Variants in TTC39B observed in about 807,000 individuals in gnomAD.
TTC39B encodes the protein tetratricopeptide repeat domain 39B.
TTC39B carries 92 observed loss-of-function variants against 96.6 expected under a neutral mutation model. That is an observed-to-expected ratio of 0.95 (90% CI 0.80 to 1.13). The LOEUF (loss-of-function observed/expected upper bound fraction) is 1.13, where lower values mean the gene tolerates loss of function less well. Among genes scored for constraint, TTC39B ranks in the 50% most tolerant of loss-of-function variants. TTC39B has a pLI of 0.00. For synonymous variants in TTC39B, 367 were observed against 299.4 expected (o/e 1.23, Z -2.33); for missense variants, 955 against 809.3 (o/e 1.18, Z -2.18).
In TTC39B at chr9:15,249,718, G is replaced by T. The variant is rs190897724; in HGVS notation, c.275+18196C>A. 695 of 256,574 alleles carry T rather than the reference G, an allele frequency of 2.7e-3. 5 individuals are homozygous for T. Among genetic ancestry groups the T allele is most frequent in the Non-Finnish European group, 3.4e-3 (489 of 143,112 alleles). The allele number at this position is 256,574 out of a possible 1,614,324, so 15.9% of individuals were successfully genotyped here. A position where few individuals can be genotyped will look rare whatever the true frequency, so the allele number is the denominator to read the frequency against. ...GAAGTTTTAAAAAGGTTGGGGGGAG[G>T]GTCAGAGGGGAAGCCAAGCAGGCTT... On this transcript the variant is annotated intron_variant, in intron 2 of 19. Coordinates refer to ENST00000512701, the Ensembl canonical transcript of TTC39B.
exon 14 of TTC39B, chr9:15,188,070 G>A: frequency 1.2e-6 from 2 of 1,612,116 alleles, no homozygotes; most frequent in Non-Finnish European, 1.7e-6. Context: ...CCCAGTAGCA[G>A]AGATGGTGAA....
At chr9:15,258,088 C>A (rs1380527236) in intron 2 of TTC39B, among the ~76,000 whole-genome samples, 1 of 151,930 alleles carries the variant, frequency 6.6e-6, no homozygotes, top group Non-Finnish European at 1.5e-5. Flanking sequence ...ATAACTTGGG[C>A]TGCTGTATGG....
chr9:15,203,764 T>C, intron 7 of TTC39B, 59 bp downstream of exon 7: 2 of 1,408,936 alleles, frequency 1.4e-6, no homozygotes, highest in African/African-American at 2.9e-5. Context: ...ACCACATTTT[T>C]CTATGCAGCA....
At chr9:15,249,722 A>G (rs1822446831) in intron 2 of TTC39B, 1 of 272,222 alleles carries the variant, frequency 3.7e-6, no homozygotes, top group Non-Finnish European at 6.4e-6. Flanking sequence ...GGGGAGGGTC[A>G]GAGGGGAAGC....
At chr9:15,200,071 C>T (rs1453679416) in intron 7 of TTC39B, 146 bp from the exon 8 acceptor site, 2 of 493,884 alleles carry the variant, frequency 4.0e-6, no homozygotes, top group Non-Finnish European at 7.3e-6. Context: ...TTAACACATA[C>T]TCTTGCTTTA....
intron 18 of TTC39B, among the ~76,000 whole-genome samples, chr9:15,176,036 C>T (rs1315902198): frequency 6.6e-6 from 1 of 152,216 alleles, no homozygotes; most frequent in Non-Finnish European, 1.5e-5. Flanking sequence ...GGCCTGCCCA[C>T]ATTGAATGTG....
chr9:15,202,292 C>A (rs1487442479), intron 7 of TTC39B, among the ~76,000 whole-genome samples: 1 of 152,172 alleles, frequency 6.6e-6, no homozygotes, highest in Non-Finnish European at 1.5e-5. Flanking sequence ...TTGTTATCAA[C>A]CAGTCTTTGT....
intron 1 of TTC39B, among the ~76,000 whole-genome samples, chr9:15,299,512 C>G (rs1326799025): frequency 6.6e-6 from 1 of 152,078 alleles, no homozygotes; most frequent in African/African-American, 2.4e-5. Context: ...GGAGGCAGCA[C>G]AGATCCACGA....
At chr9:15,254,443 T>A (rs1563766491) in intron 2 of TTC39B, among the ~76,000 whole-genome samples, 1 of 152,198 alleles carries the variant, frequency 6.6e-6, no homozygotes, top group Non-Finnish European at 1.5e-5. Flanking sequence ...ATATATTATA[T>A]GTATATACTA....
chr9:15,197,057 T>C (rs1360174420), intron 8 of TTC39B, among the ~76,000 whole-genome samples: 1 of 152,258 alleles, frequency 6.6e-6, no homozygotes, highest in Non-Finnish European at 1.5e-5. Context: ...TTAAGGTATG[T>C]ATATTTTTTA....
At position 15,190,548 on chromosome 9, in the gene TTC39B, T is replaced by C. The variant is rs558668967; in HGVS notation, c.1105+6A>G. ...GTTCAATGAAACAATCTAATCCAGA[T>C]CTTACCAAGTATTAGGGAGATGTAA... On this transcript the variant is annotated splice_donor_region_variant and intron_variant, in intron 11 of 19. Transcript: ENST00000512701. The C allele has an allele frequency of 6.2e-7, 1 of 1,608,348 alleles. No individual in the cohort carries two copies. The highest frequency in any genetic ancestry group is 1.7e-5 in the Admixed American group (1 of 59,996).
In TTC39B at chr9:15,209,017, T is replaced by C. The variant is rs75783433; in HGVS notation, c.691+1071A>G. ...TCTAATCAGCCAAAGCTACTTCTAG[T>C]AGCTTTGTATTTTGTGTTCTCTAGT... is the stretch of plus-strand genomic sequence containing the variant. On this transcript the variant is annotated intron_variant, in intron 6 of 19. Transcript: ENST00000512701. Among the ~76,000 whole-genome samples, 186 of 152,302 alleles carry C rather than the reference T, an allele frequency of 1.2e-3. 5 individuals are homozygous for C. The East Asian group carries it at 0.034, about 28-fold the overall frequency.
At chr9:15,268,163 G>T (rs1439339222) in intron 1 of TTC39B, among the ~76,000 whole-genome samples, 1 of 151,794 alleles carries the variant, frequency 6.6e-6, no homozygotes, top group Non-Finnish European at 1.5e-5. Context: ...TTTTAATAAG[G>T]CTGGTAAAAT....
At chr9:15,190,687 G>T in intron 10 of TTC39B, 25 bp from the exon 11 acceptor site, 1 of 1,574,026 alleles carries the variant, frequency 6.4e-7, no homozygotes. Flanking sequence ...TGCATTTTTA[G>T]AAAGAGAACA....
At chr9:15,173,507 T>A (rs1817768201) in intron 19 of TTC39B, among the ~76,000 whole-genome samples, 1 of 152,194 alleles carries the variant, frequency 6.6e-6, no homozygotes, top group African/African-American at 2.4e-5. Flanking sequence ...TTAACTTGTT[T>A]GACCTCTTAG....
chr9:15,215,189 T>C (rs1445689471), intron 3 of TTC39B, among the ~76,000 whole-genome samples: 1 of 152,126 alleles, frequency 6.6e-6, no homozygotes, highest in African/African-American at 2.4e-5. Context: ...AGTTTGTGGC[T>C]GTAGTGAGCC....
chr9:15,263,644 C>T lies in TTC39B; in HGVS notation c.275+4270G>A, dbSNP rs1416577030. Among the ~76,000 whole-genome samples the T allele has an allele frequency of 3.3e-5, 5 of 152,206 alleles. No individual in the cohort carries two copies. In the East Asian group the frequency reaches 7.7e-4, roughly 23 times the overall value. The stretch of plus-strand genomic sequence containing the variant: ...CTCAGAACGCTGTAAGGCAAAAGTA[C>T]GCACAAGACCAAAAGGCAAAGTTTA... On this transcript the variant is annotated intron_variant, in intron 2 of 19. Transcript: ENST00000512701.
intron 19 of TTC39B, among the ~76,000 whole-genome samples, chr9:15,173,643 C>T (rs1286084331): frequency 6.6e-6 from 1 of 152,120 alleles, no homozygotes; most frequent in Non-Finnish European, 1.5e-5. Context: ...GATGGCATAT[C>T]CCAGACATTG....
At chr9:15,166,903 T>G (rs898064946) in exon 20 of TTC39B, 5 of 144,898 alleles carry the variant, frequency 3.5e-5, no homozygotes, top group African/African-American at 5.1e-5. Context: ...ATTATATATA[T>G]GCATATCACT....
Sources: allele counts gnomAD v4.1 joint callset (sites outside exome capture counted in the v4.1 genomes callset), GRCh38; gene constraint gnomAD v4.1.1; transcripts MANE v1.5; gene names NCBI Gene and HGNC (gene_info 2026-07-23, HGNC 2026-07-21).